The following ITLN2 variants were observed in gnomAD, a reference collection of about 807,000 sequenced individuals.
ITLN2 encodes intelectin-2.
A neutral mutation model predicts 39.4 loss-of-function variants in ITLN2; 29 were observed. That is an observed-to-expected ratio of 0.74 (90% CI 0.55 to 1.00). ITLN2 has a LOEUF of 1.00. Among genes scored for constraint, ITLN2 ranks in the 50% least tolerant of loss-of-function variants. ITLN2 has a pLI of 0.00. For missense variants in ITLN2, 412 were observed against 416.7 expected (o/e 0.99, Z 0.10); for synonymous variants, 156 against 153.4 (o/e 1.02, Z -0.12).
chr1:160,952,126 T>A (rs536648663), intron 3 of ITLN2, among the ~76,000 whole-genome samples: 1 of 152,342 alleles, frequency 6.6e-6, no homozygotes, highest in East Asian at 1.9e-4. Context: ...GATCTTGAAC[T>A]TGCTAGCTAT....
Position 160,950,578 on chromosome 1 carries a change from C to T in ITLN2, c.575G>A (p.Gly192Glu), listed in dbSNP as rs1671717069. ...CTGGTAGATGCCAAACAGATTATGT[C>T]CCAGTCTCTGGAGGAAGCCAGTGTT... The part of the protein sequence containing the change: ...RTNTGFLQRL[G>E]HNLFGIYQKY... The change falls in exon 5 of 8, where the codon GGA (glycine) becomes GAA (glutamate). Residue 192 changes from glycine (G) to glutamate (E), a missense_variant. By Grantham distance (98) the Gly-to-Glu change is moderately conservative. Transcript: ENST00000368029. 1 of 1,614,040 alleles carries T rather than the reference C, an allele frequency of 6.2e-7. No individual in the cohort carries two copies.
chr1:160,951,219 C>G lies in ITLN2; in HGVS notation c.265G>C (p.Gly89Arg). Reference protein sequence around the residue: ...QTFCDMTSGGGGWTLVASVHE... With the variant: ...QTFCDMTSGGRGWTLVASVHE... ...ACGCTGGCCACCAGGGTCCAGCCGCCACCCCCAGAAGTCATGTCACAGAAG... is the reference window on the plus strand; with the variant it reads ...ACGCTGGCCACCAGGGTCCAGCCGCGACCCCCAGAAGTCATGTCACAGAAG... The change falls in exon 4 of 8, where the codon GGC becomes CGC. Residue 89 changes from glycine (G) to arginine (R), a missense_variant. Physicochemically the swap from Gly to Arg is moderately radical, Grantham distance 125. Coordinates refer to ENST00000368029, the MANE Select transcript of ITLN2 (RefSeq NM_080878.3). The G allele has an allele frequency of 6.2e-7, 1 of 1,613,496 alleles. No homozygotes were observed. The highest frequency in any genetic ancestry group is 8.5e-7 in the Non-Finnish European group (1 of 1,179,636).
intron 7 of ITLN2, 62 bp from the exon 8 acceptor site, chr1:160,945,354 C>A (rs1570967115): frequency 4.2e-6 from 6 of 1,443,238 alleles, no homozygotes; most frequent in Middle Eastern, 2.5e-4. Flanking sequence ...CCAGTGAGCG[C>A]AAGGCTGGTC....
chr1:160,950,429 G>A, intron 5 of ITLN2, 124 bp downstream of exon 5: 3 of 1,240,934 alleles, frequency 2.4e-6, no homozygotes, highest in Non-Finnish European at 2.3e-6. Flanking sequence ...GTGAATCAAA[G>A]GAAGGAGAAA....
intron 3 of ITLN2, 94 bp from the exon 4 acceptor site, chr1:160,951,384 A>G: frequency 6.8e-7 from 1 of 1,461,570 alleles, no homozygotes; most frequent in Non-Finnish European, 9.2e-7. Context: ...TCAAAAGCAC[A>G]CTCAGAAGAC....
In ITLN2 at chr1:160,951,434, T is replaced by C. The variant is rs575478648; in HGVS notation, c.194-144A>G. On this transcript the variant is annotated intron_variant, in intron 3 of 7. Coordinates refer to ENST00000368029, the MANE Select transcript of ITLN2 (RefSeq NM_080878.3). ...GCTGGAAGACGATGCTCCATGCATC[T>C]TGTGTTCTGCTCACCTATGAGCAGA... The C allele has an allele frequency of 1.6e-3, 1,797 of 1,118,816 alleles. 4 individuals are homozygous for C. The highest frequency in any genetic ancestry group is 2.0e-3 in the Non-Finnish European group (1,618 of 795,920). 69.3% of individuals were successfully genotyped at this position (1,118,816 alleles called of 1,614,324 possible).
intron 2 of ITLN2, among the ~76,000 whole-genome samples, chr1:160,953,985 A>G (rs1671808370): frequency 6.6e-6 from 1 of 152,160 alleles, no homozygotes; most frequent in Non-Finnish European, 1.5e-5. Context: ...TATTCTCACA[A>G]TATCCTCCTC....
At position 160,951,079 on chromosome 1, in the gene ITLN2, A is replaced by T. The variant is rs781391310; in HGVS notation, c.405T>A (p.Phe135Leu). The T allele has an allele frequency of 6.2e-7, 1 of 1,614,174 alleles. No individual in the cohort carries two copies. The highest frequency in any genetic ancestry group is 8.5e-7 in the Non-Finnish European group (1 of 1,180,026). The part of the protein sequence containing the change: ...GDGNWANYNT[F>L]GSAEAATSDD... ...CGCTCGTGGCCGCCTCTGCAGATCC[A>T]AAGGTGTTGTAGTTGGCCCAGTTGC... Residue 135 changes from phenylalanine to leucine, a missense_variant, in exon 4 of 8, where the codon TTT (phenylalanine) becomes TTA (leucine). By Grantham distance (22) the Phe-to-Leu change is conservative. Transcript: ENST00000368029.
chr1:160,952,543 C>G (rs1211829349), intron 3 of ITLN2, 77 bp downstream of exon 3: 1 of 999,522 alleles, frequency 1.0e-6, no homozygotes, highest in Non-Finnish European at 1.6e-6. Context: ...ATATGTCCCT[C>G]CTGATTTCCA....
At chr1:160,953,614 G>A (rs1671795848) in intron 2 of ITLN2, among the ~76,000 whole-genome samples, 1 of 152,082 alleles carries the variant, frequency 6.6e-6, no homozygotes, top group South Asian at 2.1e-4. Context: ...GGGAGGCTGA[G>A]GCAGGAGAAG....
intron 3 of ITLN2, among the ~76,000 whole-genome samples, 159 bp downstream of exon 3, chr1:160,952,461 A>T (rs1395246855): frequency 6.6e-6 from 1 of 152,186 alleles, no homozygotes; most frequent in Non-Finnish European, 1.5e-5. Context: ...CTGGAATGGG[A>T]CACAAAAGCC....
At chr1:160,954,477 C>T in intron 1 of ITLN2, 27 bp from the exon 2 acceptor site, 1 of 1,542,136 alleles carries the variant, frequency 6.5e-7, no homozygotes, top group Non-Finnish European at 8.8e-7. Context: ...TGCACAAGGT[C>T]ACTGGCTGGC....
intron 7 of ITLN2, among the ~76,000 whole-genome samples, chr1:160,947,085 A>T (rs1267427675): frequency 6.6e-6 from 1 of 152,190 alleles, no homozygotes; most frequent in African/African-American, 2.4e-5. Flanking sequence ...GTATTTATTG[A>T]TCATTATTTT....
In ITLN2 at chr1:160,951,260, C is replaced by T; in HGVS notation, c.224G>A (p.Gly75Asp). ...GTCACAGAAGGTCTGGTAGACAACA[C>T]CATTCTTGGTGCGGAGAAAATACAG... ...DGLYFLRTKN[G>D]VVYQTFCDMT... is the part of the protein sequence containing the mutation. Residue 75 changes from glycine (G) to aspartate (D), a missense_variant, in exon 4 of 8, where the codon GGT becomes GAT. Transcript: ENST00000368029. 6.3e-7 allele frequency: 1 copy of T among 1,599,978 alleles called. No individual in the cohort carries two copies. Among genetic ancestry groups the T allele is most frequent in the Non-Finnish European group, 8.5e-7 (1 of 1,172,060 alleles).
intron 1 of ITLN2, 79 bp downstream of exon 1, chr1:160,954,648 G>A: frequency 6.4e-7 from 1 of 1,553,200 alleles, no homozygotes; most frequent in Non-Finnish European, 8.9e-7. Context: ...TCATTTCCCT[G>A]AAACTCTAAA....
At chr1:160,949,555 C>T (rs1981048) in intron 6 of ITLN2, 77,904 of 159,350 alleles carry the variant, frequency 0.49, 20,358 homozygotes, top group Middle Eastern at 0.58. Context: ...CTTTAACAAG[C>T]ATGCTGCCTT....
At chr1:160,950,747 G>A in intron 4 of ITLN2, 36 bp from the exon 5 acceptor site, 2 of 1,586,568 alleles carry the variant, frequency 1.3e-6, no homozygotes, top group Non-Finnish European at 8.6e-7. Flanking sequence ...GACTGGGCCA[G>A]GAGGTACCAG....
Position 160,951,107 on chromosome 1 carries a change from T to G in ITLN2, c.377A>C (p.Asp126Ala), listed in dbSNP as rs139408823. 3 of 1,613,964 alleles carry G rather than the reference T, an allele frequency of 1.9e-6. No homozygotes were observed. In the African/African-American group the frequency reaches 4.0e-5, roughly 22 times the overall value. The change falls in exon 4 of 8, where the codon GAT becomes GCT. Residue 126 changes from aspartate to alanine, a missense_variant. Coordinates refer to ENST00000368029, the MANE Select transcript of ITLN2 (RefSeq NM_080878.3). The part of the protein sequence containing the change: ...QGNKADYPEG[D>A]GNWANYNTFG... ...GGTGTTGTAGTTGGCCCAGTTGCCATCCCCCTCTGGGTAGTCTGCTTTGTT... is the reference window on the plus strand; with the variant it reads ...GGTGTTGTAGTTGGCCCAGTTGCCAGCCCCCTCTGGGTAGTCTGCTTTGTT...
chr1:160,954,340 G>A (rs1671815750), intron 2 of ITLN2, 47 bp downstream of exon 2: 4 of 1,382,220 alleles, frequency 2.9e-6, no homozygotes, highest in African/African-American at 1.4e-5. Context: ...CTGCACAGCA[G>A]AGGGGAGCCC....
Sources: gnomAD v4.1 joint callset for allele counts (sites outside exome capture counted in the v4.1 genomes callset) on GRCh38, gnomAD v4.1.1 for gene constraint, MANE v1.5 for transcripts, NCBI Gene and HGNC (gene_info 2026-07-23, HGNC 2026-07-21) for gene names.